Variants in ABCD4 observed in about 807,000 individuals in gnomAD.
ABCD4 encodes lysosomal cobalamin transporter ABCD4.
A neutral mutation model predicts 86.3 loss-of-function variants in ABCD4; 53 were observed. The ratio of observed to expected loss-of-function variants is 0.61; its 90% CI spans 0.49 to 0.77. The LOEUF is 0.77. ABCD4 is among the 30% of genes least tolerant of loss of function. The probability of loss-of-function intolerance (pLI) is 0.00; values close to 1 mark genes in which losing one functional copy is unlikely to be tolerated. For synonymous variants in ABCD4, 328 were observed against 313.6 expected (o/e 1.05, Z -0.49); for missense variants, 757 against 764.5 (o/e 0.99, Z 0.12).
At chr14:74,289,872 G>T in intron 13 of ABCD4, 155 bp downstream of exon 13, 1 of 1,474,362 alleles carries the variant, frequency 6.8e-7, no homozygotes, top group South Asian at 1.4e-5. Context: ...GTGAATAGAA[G>T]GTTCTTAGAG....
chr14:74,299,833 G>A (rs528560929), intron 2 of ABCD4, 158 bp from the exon 3 acceptor site: 30 of 666,402 alleles, frequency 4.5e-5, no homozygotes, highest in Admixed American at 1.4e-4. Context: ...AGGCTGAGGC[G>A]GGTGTATCAC....
In ABCD4 at chr14:74,288,375, C is replaced by A. The variant is rs868512795; in HGVS notation, c.1507-116G>T. On this transcript the variant is annotated intron_variant, in intron 15 of 18. Coordinates refer to ENST00000356924, the MANE Select transcript of ABCD4 (RefSeq NM_005050.4). Reference sequence around the variant, plus strand: ...CACACACCTCTAAGACAAATATATGCCCCAGTGGCATACCAAGGCGGGGGA... The same window carrying A: ...CACACACCTCTAAGACAAATATATGACCCAGTGGCATACCAAGGCGGGGGA... The A allele has an allele frequency of 6.9e-6, 7 of 1,018,618 alleles. No individual in the cohort carries two copies. The Admixed American group carries it at 9.6e-5, about 14-fold the overall frequency. The allele number at this position is 1,018,618 out of a possible 1,614,324, so 63.1% of individuals were successfully genotyped here. A position where few individuals can be genotyped will look rare whatever the true frequency, so the allele number is the denominator to read the frequency against.
In ABCD4 at chr14:74,287,805, C is replaced by T. The variant is rs2080228521; in HGVS notation, c.1636+5G>A. The stretch of plus-strand genomic sequence containing the variant: ...GGCATGTGCAGCCACAAGGCGAGAC[C>T]TCACCTGCGTACTTCGGCTGCAGGT... On this transcript the variant is annotated splice_donor_5th_base_variant and intron_variant, in intron 17 of 18. Transcript: ENST00000356924. 6.8e-6 allele frequency: 11 copies of T among 1,609,642 alleles called. No homozygotes were observed. The highest frequency in any genetic ancestry group is 9.3e-6 in the Non-Finnish European group (11 of 1,177,946).
Position 74,286,342 on chromosome 14 carries a change from G to A in ABCD4, c.*119C>T, listed in dbSNP as rs2079733203. On this transcript the variant is annotated 3_prime_UTR_variant, in exon 19 of 19. Transcript: ENST00000356924. ...TAGGGGTCCTGCACAGGACCCATGT[G>A]GCTCCTGCACGGGATCTATGTGGCG... 1 of 1,077,114 alleles carries A rather than the reference G, an allele frequency of 9.3e-7. No homozygotes were observed. Among genetic ancestry groups the A allele is most frequent in the African/African-American group, 1.5e-5 (1 of 64,790 alleles). The allele number at this position is 1,077,114 out of a possible 1,614,324, so 66.7% of individuals were successfully genotyped here. A position where few individuals can be genotyped will look rare whatever the true frequency, so the allele number is the denominator to read the frequency against.
intron 10 of ABCD4, 63 bp from the exon 11 acceptor site, chr14:74,292,439 C>G (rs981162186): frequency 6.3e-7 from 1 of 1,595,028 alleles, no homozygotes; most frequent in Non-Finnish European, 8.6e-7. Context: ...ACTCCTTTTC[C>G]TATCTCACAC....
At position 74,286,304 on chromosome 14, in the gene ABCD4, A is replaced by G; in HGVS notation, c.*157T>C. 1 of 709,774 alleles carries G rather than the reference A, an allele frequency of 1.4e-6. No individual in the cohort carries two copies. Among genetic ancestry groups the G allele is most frequent in the Non-Finnish European group, 2.4e-6 (1 of 422,564 alleles). 44.0% of individuals were successfully genotyped at this position (709,774 alleles called of 1,614,324 possible). ...CCCACAGAAACCTAGACCTGGGCTC[A>G]GCCCACCACTGCTAGGGGTCCTGCA... On this transcript the variant is annotated 3_prime_UTR_variant, in exon 19 of 19. Transcript: ENST00000356924.
rs146373050 is a variant in ABCD4 at position 74,298,222 on chromosome 14, C to T, written c.286-153G>A. Among the ~76,000 whole-genome samples, 1,331 of 152,296 alleles carry T rather than the reference C, an allele frequency of 8.7e-3. 6 individuals carry two copies. The highest frequency in any genetic ancestry group is 0.015 in the Non-Finnish European group (1,032 of 68,028). On this transcript the variant is annotated intron_variant, in intron 3 of 18. Transcript: ENST00000356924. The stretch of plus-strand genomic sequence containing the variant: ...TCAGCACTTTTCTTTTTTAAATCAT[C>T]GAGTCATGGGACTTTCCCTTCCTCA...
intron 7 of ABCD4, chr14:74,293,880 AGAG>A (rs1405675672): frequency 6.6e-6 from 1 of 152,210 alleles, no homozygotes; most frequent in Non-Finnish European, 1.5e-5. Context: ...AAGGCTCTCC[AGAG>A]GAGGTGATCT....
intron 6 of ABCD4, 56 bp downstream of exon 6, chr14:74,295,798 T>G: frequency 1.9e-6 from 3 of 1,605,636 alleles, no homozygotes; most frequent in Non-Finnish European, 2.5e-6. Context: ...TTACTCCAGA[T>G]CCCCTTCCTT....
intron 11 of ABCD4, among the ~76,000 whole-genome samples, chr14:74,291,323 T>G (rs911834561): frequency 2.0e-5 from 3 of 152,220 alleles, no homozygotes; most frequent in African/African-American, 7.2e-5. Context: ...CAAAGCCCCT[T>G]ATGGGACTGA....
In ABCD4 at chr14:74,288,717, A is replaced by G; in HGVS notation, c.1505T>C (p.Leu502Pro). 1 of 1,613,416 alleles carries G rather than the reference A, an allele frequency of 6.2e-7. No homozygotes were observed. The highest frequency in any genetic ancestry group is 8.5e-7 in the Non-Finnish European group (1 of 1,179,750). Residue 502 changes from leucine to proline, a missense_variant and splice_region_variant, in exon 15 of 19, where the codon CTG (leucine) becomes CCG (proline). By Grantham distance (98) the Leu-to-Pro change is moderately conservative. Transcript: ENST00000356924. ...CTGAGGGTCCCTCTCCCCACTTACC[A>G]GGCCTGCCAATTCCAAGAACCTCAA... ...RILRFLELAG[L>P]SNLVARTEGL... is the part of the protein sequence containing the mutation.
rs974573366 is a variant in ABCD4, at chr14:74,293,466, T to G, written c.720-218A>C. 26 of 448,464 alleles carry G rather than the reference T, an allele frequency of 5.8e-5. No homozygotes were observed. In the Middle Eastern group the frequency reaches 2.1e-3, roughly 37 times the overall value. 27.8% of individuals were successfully genotyped at this position (448,464 alleles called of 1,614,324 possible). A position where few individuals can be genotyped will look rare whatever the true frequency, so the allele number is the denominator to read the frequency against. On this transcript the variant is annotated intron_variant, in intron 7 of 18. Transcript: ENST00000356924. ...AAACTCTAGAGTTGGGCAGACCTAG[T>G]TCAAATCCTGGCTCTGGCCAGTTAC...
Position 74,299,636 on chromosome 14 carries a change from T to G in ABCD4, c.197A>C (p.Gln66Pro). The G allele has an allele frequency of 6.2e-7, 1 of 1,613,742 alleles. No homozygotes were observed. The highest frequency in any genetic ancestry group is 8.5e-7 in the Non-Finnish European group (1 of 1,179,742). The change falls in exon 3 of 19, where the codon CAG becomes CCG. Residue 66 changes from glutamine (Q) to proline (P), a missense_variant. By Grantham distance (76) the Gln-to-Pro change is moderately conservative. Transcript: ENST00000356924. ...TTTGTTTCCCAGGACCCCATAGTAC[T>G]GACTGGGGATCAAGCCAACCTGGTA... ...VIYQVGLIPS[Q>P]YYGVLGNKDL...
intron 11 of ABCD4, among the ~76,000 whole-genome samples, chr14:74,291,791 AG>A (rs1177416302): frequency 6.6e-6 from 1 of 152,242 alleles, no homozygotes; most frequent in African/African-American, 2.4e-5. Context: ...CAACAAGTGA[AG>A]GAAGTTCATT....
chr14:74,299,498 C>A lies in ABCD4; in HGVS notation c.285+50G>T. On this transcript the variant is annotated intron_variant, in intron 3 of 18. Transcript: ENST00000356924. Reference sequence around the variant, plus strand: ...GCTAAGTTCCACTAGGCATTACGGTCACACTGGACTGGAGAGGACGAGAGA... The same window carrying A: ...GCTAAGTTCCACTAGGCATTACGGTAACACTGGACTGGAGAGGACGAGAGA... The A allele has an allele frequency of 1.9e-6, 3 of 1,604,310 alleles. No individual in the cohort carries two copies. The South Asian group carries it at 3.3e-5, about 18-fold the overall frequency.
chr14:74,290,839 G>A (rs906790772), intron 11 of ABCD4, among the ~76,000 whole-genome samples: 1 of 151,828 alleles, frequency 6.6e-6, no homozygotes, highest in African/African-American at 2.4e-5. Context: ...GCCCACCACC[G>A]TGCCCATATT....
rs554458015 is a variant in ABCD4 at position 74,286,533 on chromosome 14, C to T, written c.1753-4G>A. 11 of 1,614,230 alleles carry T rather than the reference C, an allele frequency of 6.8e-6. No homozygotes were observed. The highest frequency in any genetic ancestry group is 6.7e-5 in the East Asian group (3 of 44,884). ...GTTTCAGAACCAAGGAATGAAACTACAAGAGACCACCACCACATGGAGATC... is the reference window on the plus strand; with the variant it reads ...GTTTCAGAACCAAGGAATGAAACTATAAGAGACCACCACCACATGGAGATC... On this transcript the variant is annotated splice_polypyrimidine_tract_variant and splice_region_variant and intron_variant, in intron 18 of 18. Transcript: ENST00000356924.
At chr14:74,294,975 G>A in intron 7 of ABCD4, 173 bp downstream of exon 7, 1 of 727,996 alleles carries the variant, frequency 1.4e-6, no homozygotes, top group African/African-American at 1.8e-5. Flanking sequence ...CAAACCCCTG[G>A]ACCTAAGGAT....
At chr14:74,297,736 T>A (rs2083239546) in intron 4 of ABCD4, 194 bp downstream of exon 4, 3 of 1,312,612 alleles carry the variant, frequency 2.3e-6, no homozygotes, top group Non-Finnish European at 1.9e-6. Flanking sequence ...GCTTCTTCTT[T>A]TTAGCTGCCT....
Sources: gnomAD v4.1 joint callset for allele counts (sites outside exome capture counted in the v4.1 genomes callset) on GRCh38, gnomAD v4.1.1 for gene constraint, MANE v1.5 for transcripts, NCBI Gene and HGNC (gene_info 2026-07-23, HGNC 2026-07-21) for gene names.